Variants in GABRA1 observed in about 807,000 individuals in gnomAD.
GABRA1 encodes gamma-aminobutyric acid type A receptor subunit alpha1, also known as gamma-aminobutyric acid receptor subunit alpha-1.
Under a neutral mutation model 48.9 loss-of-function variants are expected in GABRA1, and 9 were observed. The observed-to-expected ratio is 0.18, with a 90% CI of 0.11 to 0.32. The LOEUF is 0.32. Ranked by LOEUF, GABRA1 falls within the 10% of genes least tolerant of loss-of-function variation. GABRA1 has a pLI of 1.00. For synonymous variants in GABRA1, 210 were observed against 198.7 expected (o/e 1.06, Z -0.48); for missense variants, 285 against 553.8 (o/e 0.51, Z 4.87).
At chr5:161,850,384 C>T (rs1252782105) in intron 1 of GABRA1, 2 of 392,188 alleles carry the variant, frequency 5.1e-6, no homozygotes, top group African/African-American at 2.1e-5. Flanking sequence ...GTTAGAGACA[C>T]CAGCTTAAAA....
chr5:161,896,470 C>G (rs950931459), intron 9 of GABRA1, among the ~76,000 whole-genome samples: 2 of 152,132 alleles, frequency 1.3e-5, no homozygotes, highest in African/African-American at 4.8e-5. Context: ...TGCTGCTTCT[C>G]TCAATTAGAA....
chr5:161,873,320 C>T lies in GABRA1; in HGVS notation c.459C>T (p.Thr153=), dbSNP rs761693717. Residue 153 remains threonine (T), a synonymous_variant, in exon 5 of 10, where the codon ACC becomes ACT. Transcript: ENST00000393943. ...NKLLRITEDG[T]LLYTMRLTVR... ...TCCTGCGGATCACAGAGGATGGCAC[C>T]TTGCTGTACACCATGAGGTAAGGAT... 9.3e-6 allele frequency: 15 copies of T among 1,613,194 alleles called. No homozygotes were observed. The highest frequency in any genetic ancestry group is 3.3e-4 in the Middle Eastern group (2 of 6,078).
intron 3 of GABRA1, among the ~76,000 whole-genome samples, chr5:161,862,434 G>A (rs1263627190): frequency 6.6e-6 from 1 of 151,124 alleles, no homozygotes; most frequent in African/African-American, 2.4e-5. Context: ...GTATTTCCCT[G>A]GATCTTACTA....
chr5:161,857,017 C>T (rs567033712), intron 3 of GABRA1, among the ~76,000 whole-genome samples: 1 of 150,932 alleles, frequency 6.6e-6, no homozygotes, highest in African/African-American at 2.4e-5. Context: ...CCAGTAGATC[C>T]CAATTGCAAA....
chr5:161,876,538 G>A (rs1754362552), intron 6 of GABRA1, among the ~76,000 whole-genome samples: 2 of 152,244 alleles, frequency 1.3e-5, no homozygotes, highest in South Asian at 4.1e-4. Context: ...TGGTAGTGTA[G>A]GAAGACAGAA....
At chr5:161,849,274 T>C (rs917776693) in intron 1 of GABRA1, among the ~76,000 whole-genome samples, 1 of 152,152 alleles carries the variant, frequency 6.6e-6, no homozygotes, top group East Asian at 1.9e-4. Context: ...TATTCAATCT[T>C]TTTAAAAAGA....
rs1755424577 is a variant in GABRA1, at chr5:161,897,489, A to G, written c.*67A>G. ...AATTTATTTATGTTCTCAACGCAGT[A>G]ATTCCCATCTGCTTTATTGCCTCTG... On this transcript the variant is annotated 3_prime_UTR_variant, in exon 10 of 10. Coordinates refer to ENST00000393943, the MANE Select transcript of GABRA1 (RefSeq NM_001127644.2). The G allele has an allele frequency of 7.4e-7, 1 of 1,353,934 alleles. No homozygotes were observed. Among genetic ancestry groups the G allele is most frequent in the Admixed American group, 1.7e-5 (1 of 59,270 alleles). The allele number at this position is 1,353,934 out of a possible 1,614,324, so 83.9% of individuals were successfully genotyped here. A position where few individuals can be genotyped will look rare whatever the true frequency, so the allele number is the denominator to read the frequency against.
chr5:161,897,096 T>C lies in GABRA1; in HGVS notation c.1060-15T>C, dbSNP rs773638322. On this transcript the variant is annotated splice_polypyrimidine_tract_variant and intron_variant, in intron 9 of 9. Coordinates refer to ENST00000393943, the MANE Select transcript of GABRA1 (RefSeq NM_001127644.2). ...CTGTTTACTAAACAAAATGCATTGC[T>C]CTTTCTTTCTACAGCCAAAGAAAGT... The C allele has an allele frequency of 2.7e-5, 43 of 1,612,714 alleles. No homozygotes were observed. Among genetic ancestry groups the C allele is most frequent in the Non-Finnish European group, 6.8e-6 (8 of 1,178,876 alleles).
intron 6 of GABRA1, among the ~76,000 whole-genome samples, chr5:161,880,303 G>A (rs1320326893): frequency 6.6e-6 from 1 of 152,048 alleles, no homozygotes; most frequent in African/African-American, 2.4e-5. Context: ...TAGGTAAGAT[G>A]CTTCCATTAA....
intron 3 of GABRA1, among the ~76,000 whole-genome samples, chr5:161,856,484 G>A (rs1002230156): frequency 6.6e-6 from 1 of 151,214 alleles, no homozygotes; most frequent in Non-Finnish European, 1.5e-5. Context: ...CTTTACTAAA[G>A]ATGGTTTTTC....
intron 3 of GABRA1, among the ~76,000 whole-genome samples, chr5:161,859,671 A>G (rs540463759): frequency 9.1e-4 from 138 of 151,880 alleles, no homozygotes; most frequent in Non-Finnish European, 1.7e-3. Flanking sequence ...ATCCCTTGTA[A>G]CATTGAGATC....
At chr5:161,896,331 C>G (rs1755367171) in intron 9 of GABRA1, among the ~76,000 whole-genome samples, 1 of 152,096 alleles carries the variant, frequency 6.6e-6, no homozygotes, top group African/African-American at 2.4e-5. Flanking sequence ...ATGAACCATC[C>G]CTAGTTCTCT....
intron 6 of GABRA1, among the ~76,000 whole-genome samples, chr5:161,877,037 C>G (rs766604495): frequency 9.9e-5 from 15 of 152,116 alleles, no homozygotes; most frequent in Non-Finnish European, 2.1e-4. Context: ...TGGGCTCAGG[C>G]AATTGTTCTG....
chr5:161,865,680 G>A (rs756034994), intron 3 of GABRA1, 41 bp from the exon 4 acceptor site: 9 of 1,518,776 alleles, frequency 5.9e-6, no homozygotes, highest in South Asian at 2.2e-5. Flanking sequence ...TAATAAGGAC[G>A]GTTGACAGAC....
chr5:161,888,531 C>G (rs1754947715), intron 7 of GABRA1, among the ~76,000 whole-genome samples: 1 of 151,870 alleles, frequency 6.6e-6, no homozygotes, highest in Non-Finnish European at 1.5e-5. Context: ...TTGAGAACAA[C>G]AAAAGATAAT....
intron 6 of GABRA1, among the ~76,000 whole-genome samples, chr5:161,876,290 C>T (rs1000993114): frequency 6.6e-6 from 1 of 152,054 alleles, no homozygotes; most frequent in African/African-American, 2.4e-5. Context: ...CACCTTGGAG[C>T]AGCCAAGAGA....
intron 2 of GABRA1, among the ~76,000 whole-genome samples, chr5:161,851,273 G>T (rs1265177291): frequency 6.6e-6 from 1 of 152,082 alleles, no homozygotes; most frequent in African/African-American, 2.4e-5. Flanking sequence ...AGATCATAGA[G>T]TAACTTTTGT....
intron 1 of GABRA1, among the ~76,000 whole-genome samples, chr5:161,849,325 T>C (rs1757348099): frequency 6.6e-6 from 1 of 152,190 alleles, no homozygotes; most frequent in Non-Finnish European, 1.5e-5. Flanking sequence ...TGTTTTTCCC[T>C]TGTAACAAAC....
chr5:161,861,456 T>G (rs1034426386), intron 3 of GABRA1, among the ~76,000 whole-genome samples: 1 of 151,826 alleles, frequency 6.6e-6, no homozygotes, highest in Admixed American at 6.6e-5. Flanking sequence ...GGAAATAAGA[T>G]AAATAGCTCC....
Sources: allele counts gnomAD v4.1 joint callset (sites outside exome capture counted in the v4.1 genomes callset), GRCh38; gene constraint gnomAD v4.1.1; transcripts MANE v1.5; gene names NCBI Gene and HGNC (gene_info 2026-07-23, HGNC 2026-07-21).